MICU2: variants seen among roughly 807,000 people sequenced by gnomAD.
MICU2 encodes the protein calcium uptake protein 2, mitochondrial.
Under a neutral mutation model 60.4 loss-of-function variants are expected in MICU2, and 64 were observed. That is an observed-to-expected ratio of 1.06 (90% CI 0.87 to 1.31). The LOEUF (loss-of-function observed/expected upper bound fraction) is 1.31, where lower values mean the gene tolerates loss of function less well. MICU2 is among the 50% of genes most tolerant of loss of function. MICU2 has a pLI of 0.00. For missense variants in MICU2, 569 were observed against 531.0 expected, an observed-to-expected ratio of 1.07 and a Z score of -0.70; for synonymous variants, 201 against 175.0, an observed-to-expected ratio of 1.15 and a Z score of -1.17.
At chr13:21,553,895 A>C (rs1887635265) in intron 2 of MICU2, among the ~76,000 whole-genome samples, 1 of 152,212 alleles carries the variant, frequency 6.6e-6, no homozygotes, top group Non-Finnish European at 1.5e-5. Context: ...GTCTCTGATA[A>C]AACAGACTTT....
chr13:21,589,863 G>A (rs1182821164), intron 1 of MICU2, among the ~76,000 whole-genome samples: 1 of 149,078 alleles, frequency 6.7e-6, no homozygotes, highest in African/African-American at 2.4e-5. Context: ...GAAAAATACA[G>A]CAGCAAGGGT....
intron 2 of MICU2, among the ~76,000 whole-genome samples, chr13:21,543,886 G>T (rs184965459): frequency 8.5e-5 from 13 of 152,224 alleles, no homozygotes; most frequent in Admixed American, 5.9e-4. Flanking sequence ...GAACAAAGCT[G>T]GAGGCATCAA....
intron 7 of MICU2, 24 bp downstream of exon 7, chr13:21,514,325 CAATT>C: frequency 1.3e-6 from 2 of 1,545,780 alleles, no homozygotes; most frequent in South Asian, 1.2e-5. Context: ...TTATAAATAT[CAATT>C]GTTTGGAAAT....
intron 11 of MICU2, among the ~76,000 whole-genome samples, chr13:21,493,714 T>C (rs921983094): frequency 6.6e-6 from 1 of 151,998 alleles, no homozygotes; most frequent in Non-Finnish European, 1.5e-5. Flanking sequence ...CCTTTTTTTC[T>C]GGTGAACTTT....
At chr13:21,574,741 T>C (rs1593352148) in intron 1 of MICU2, among the ~76,000 whole-genome samples, 1 of 152,350 alleles carries the variant, frequency 6.6e-6, no homozygotes, top group African/African-American at 2.4e-5. Context: ...TTTTCGAATT[T>C]GTAATAATCT....
intron 2 of MICU2, among the ~76,000 whole-genome samples, chr13:21,560,318 C>T (rs1247100199): frequency 4.5e-5 from 3 of 66,090 alleles, no homozygotes; most frequent in African/African-American, 1.2e-4. Flanking sequence ...TATCCAACTG[C>T]ACTAGTACCA....
Position 21,510,091 on chromosome 13 carries a change from A to C in MICU2, c.674T>G (p.Val225Gly). Residue 225 changes from valine to glycine, a missense_variant, in exon 8 of 12, where the codon GTG becomes GGG. Val to Gly is a moderately radical substitution (Grantham distance 109). Coordinates refer to ENST00000382374, the MANE Select transcript of MICU2 (RefSeq NM_152726.3). Reference sequence around the variant, plus strand: ...AGTTGTGTTAATTTCAGGTTCTTTCACTATTGCTTCCTATTAAAAAAATCA... The same window carrying C: ...AGTTGTGTTAATTTCAGGTTCTTTCCCTATTGCTTCCTATTAAAAAAATCA... ...TNETGYQEAI[V>G]KEPEINTTLQ... The C allele has an allele frequency of 6.8e-7, 1 of 1,477,234 alleles. No individual in the cohort carries two copies. Among genetic ancestry groups the C allele is most frequent in the Non-Finnish European group, 9.0e-7 (1 of 1,114,482 alleles). 91.5% of individuals were successfully genotyped at this position (1,477,234 alleles called of 1,614,324 possible).
intron 1 of MICU2, among the ~76,000 whole-genome samples, chr13:21,580,570 A>G (rs1888324940): frequency 6.6e-6 from 1 of 152,182 alleles, no homozygotes; most frequent in Non-Finnish European, 1.5e-5. Context: ...CCAAACTTGA[A>G]TTGCTTGTGA....
At chr13:21,523,410 T>C (rs939801243) in intron 4 of MICU2, among the ~76,000 whole-genome samples, 1 of 145,820 alleles carries the variant, frequency 6.9e-6, no homozygotes, top group African/African-American at 2.4e-5. Flanking sequence ...AGTTTTACTA[T>C]GCATAACATC....
intron 1 of MICU2, chr13:21,583,015 A>C (rs1226997074): frequency 1.3e-5 from 2 of 152,940 alleles, no homozygotes; most frequent in African/African-American, 4.8e-5. Flanking sequence ...TGTTTCAGGA[A>C]GCAATCTTTT....
chr13:21,594,845 A>G (rs569136183), intron 1 of MICU2, among the ~76,000 whole-genome samples: 2 of 152,126 alleles, frequency 1.3e-5, no homozygotes, highest in Admixed American at 1.3e-4. Context: ...CCATGGATGC[A>G]GAGAAGGGAA....
chr13:21,594,113 A>C (rs1566172090), intron 1 of MICU2, among the ~76,000 whole-genome samples: 1 of 152,198 alleles, frequency 6.6e-6, no homozygotes, highest in East Asian at 1.9e-4. Context: ...AATGGGAGAA[A>C]ATTTTTGCAA....
intron 1 of MICU2, among the ~76,000 whole-genome samples, chr13:21,571,788 A>G (rs1480928598): frequency 1.3e-5 from 2 of 152,244 alleles, no homozygotes; most frequent in African/African-American, 4.8e-5. Flanking sequence ...GACAGGGAAC[A>G]GCAGTAGAGC....
intron 1 of MICU2, among the ~76,000 whole-genome samples, chr13:21,600,964 T>C (rs1040474278): frequency 2.0e-5 from 3 of 152,014 alleles, no homozygotes; most frequent in African/African-American, 4.8e-5. Context: ...GCCCAGCTAA[T>C]TTTTTGTATT....
chr13:21,496,157 T>G lies in MICU2; in HGVS notation c.937A>C (p.Ile313Leu). ...VREKLSAGES[I>L]SLDEFKSFCH... The stretch of plus-strand genomic sequence containing the variant: ...AATGACTTGAATTCATCCAAACTAA[T>G]GCTCTAATAAAGTAAGAGTTTTTAT... The change falls in exon 10 of 12, where the codon ATT becomes CTT. Residue 313 changes from isoleucine to leucine, a missense_variant. By Grantham distance (5) the Ile-to-Leu change is conservative (BLOSUM62 2). Transcript: ENST00000382374. 1 of 1,609,040 alleles carries G rather than the reference T, an allele frequency of 6.2e-7. No individual in the cohort carries two copies. The highest frequency in any genetic ancestry group is 1.1e-5 in the South Asian group (1 of 90,250).
chr13:21,563,000 CTAGA>C (rs1887884262), intron 2 of MICU2, among the ~76,000 whole-genome samples: 1 of 152,150 alleles, frequency 6.6e-6, no homozygotes, highest in South Asian at 2.1e-4. Flanking sequence ...ATAATTTTCA[CTAGA>C]TATAGAATTC....
rs780134357 is a variant in MICU2, at chr13:21,603,966, C to A, written c.183G>T (p.Arg61=). ...GTGCGGAGACTGTAAAACTGCCATC[C>A]CGCGCCGCAACACTGACGCGGCTGT... ...WHHSRVSVAA[R]DGSFTVSAQK... The change falls in exon 1 of 12, where the codon CGG becomes CGT. Residue 61 remains arginine, a synonymous_variant. Coordinates refer to ENST00000382374, the MANE Select transcript of MICU2 (RefSeq NM_152726.3). 2 of 1,612,582 alleles carry A rather than the reference C, an allele frequency of 1.2e-6. No homozygotes were observed. The highest frequency in any genetic ancestry group is 1.7e-6 in the Non-Finnish European group (2 of 1,179,672).
At chr13:21,567,793 A>G (rs1388058655) in intron 1 of MICU2, among the ~76,000 whole-genome samples, 2 of 152,174 alleles carry the variant, frequency 1.3e-5, no homozygotes, top group Non-Finnish European at 2.9e-5. Context: ...AATCCTCATA[A>G]TAACTTTGAG....
At chr13:21,594,085 T>C (rs568481346) in intron 1 of MICU2, among the ~76,000 whole-genome samples, 1 of 152,222 alleles carries the variant, frequency 6.6e-6, no homozygotes, top group South Asian at 2.1e-4. Flanking sequence ...ATCATCAGGG[T>C]GAACAGGCAA....
Sources: gnomAD v4.1 joint callset for allele counts (sites outside exome capture counted in the v4.1 genomes callset) on GRCh38, gnomAD v4.1.1 for gene constraint, MANE v1.5 for transcripts, NCBI Gene and HGNC (gene_info 2026-07-23, HGNC 2026-07-21) for gene names.